The following CHD8 variants were observed in gnomAD, a reference collection of about 807,000 sequenced individuals.
CHD8 encodes ATP-dependent chromatin remodeler CHD8.
Under a neutral mutation model 279.2 loss-of-function variants are expected in CHD8, and 31 were observed. The observed-to-expected ratio is 0.11, with a 90% CI of 0.08 to 0.15. CHD8 has a LOEUF of 0.15. Ranked by LOEUF, CHD8 falls within the 10% of genes least tolerant of loss-of-function variation. The pLI is 1.00. For synonymous variants in CHD8, 1,081 were observed against 1,139.6 expected (o/e 0.95, Z 1.04); for missense variants, 2,146 against 3,230.5 (o/e 0.66, Z 8.14).
chr14:21,428,920 G>C (rs1315406788), intron 3 of CHD8, 44 bp downstream of exon 3: 1 of 1,601,160 alleles, frequency 6.2e-7, no homozygotes, highest in East Asian at 2.2e-5. Context: ...AATGGACTAA[G>C]TATTTTTGTT....
At chr14:21,419,016 A>G (rs994523653) in intron 5 of CHD8, among the ~76,000 whole-genome samples, 1 of 152,232 alleles carries the variant, frequency 6.6e-6, no homozygotes, top group Non-Finnish European at 1.5e-5. Context: ...TGTCAAAACT[A>G]TACAAACAAA....
rs1888566611 is a variant in CHD8, at chr14:21,412,974, T to C, written c.2165A>G (p.Asp722Gly). 1 of 1,609,076 alleles carries C rather than the reference T, an allele frequency of 6.2e-7. No individual in the cohort carries two copies. The highest frequency in any genetic ancestry group is 1.1e-5 in the South Asian group (1 of 90,784). The change falls in exon 10 of 38, where the codon GAC (aspartate) becomes GGC (glycine). Residue 722 changes from aspartate (D) to glycine (G), a missense_variant. Physicochemically the swap from Asp to Gly is moderately conservative, Grantham distance 94. Coordinates refer to ENST00000646647, the MANE Select transcript of CHD8 (RefSeq NM_001170629.2). ...FHEDEEPFNP[D>G]YVEVDRILDE... Reference sequence around the variant, plus strand: ...CAATATCCTATCCACCTCTACGTAGTCTGGATTAAAGGGCTCTTCATCCTA... The same window carrying C: ...CAATATCCTATCCACCTCTACGTAGCCTGGATTAAAGGGCTCTTCATCCTA...
At chr14:21,443,294 G>A (rs955193102) in intron 1 of CHD8, among the ~76,000 whole-genome samples, 3 of 152,068 alleles carry the variant, frequency 2.0e-5, no homozygotes, top group African/African-American at 7.2e-5. Context: ...GGGAGGCTGA[G>A]GCAGGAGAAT....
In CHD8 at chr14:21,385,576, C is replaced by G. The variant is rs776047392; in HGVS notation, c.*37G>C. On this transcript the variant is annotated 3_prime_UTR_variant, in exon 38 of 38. Coordinates refer to ENST00000646647, the MANE Select transcript of CHD8 (RefSeq NM_001170629.2). The stretch of plus-strand genomic sequence containing the variant: ...CCAAGGGCCAGAGTAAATGAAAATA[C>G]AGCAGCCGCCCAAGCAATGGGGCCC... 3 of 1,526,400 alleles carry G rather than the reference C, an allele frequency of 2.0e-6. No homozygotes were observed. The Admixed American group carries it at 6.0e-5, about 31-fold the overall frequency. 94.6% of individuals were successfully genotyped at this position (1,526,400 alleles called of 1,614,324 possible).
In CHD8 at chr14:21,431,065, G is replaced by A. The variant is rs1241392755; in HGVS notation, c.579C>T (p.Gly193=). ...AAGTGACTTTTCCACCATTGGCTGTGCCTGCCACCAGGGGCTGAGCTGTGC... is the reference window on the plus strand; with the variant it reads ...AAGTGACTTTTCCACCATTGGCTGTACCTGCCACCAGGGGCTGAGCTGTGC... ...ITSTAQPLVA[G]TANGGKVTFT... The change falls in exon 2 of 38, where the codon GGC becomes GGT. Residue 193 remains glycine, a synonymous_variant. Transcript: ENST00000646647. 6.3e-7 allele frequency: 1 copy of A among 1,599,320 alleles called. No homozygotes were observed. The highest frequency in any genetic ancestry group is 8.5e-7 in the Non-Finnish European group (1 of 1,179,692).
intron 1 of CHD8, among the ~76,000 whole-genome samples, chr14:21,442,155 T>G (rs1400523905): frequency 6.6e-6 from 1 of 152,216 alleles, no homozygotes; most frequent in African/African-American, 2.4e-5. Flanking sequence ...GAGATCAGCC[T>G]GGGTAACAAA....
At chr14:21,438,540 GA>G (rs1219057909) in intron 1 of CHD8, among the ~76,000 whole-genome samples, 1 of 140,496 alleles carries the variant, frequency 7.1e-6, no homozygotes, top group Non-Finnish European at 1.6e-5. Context: ...AAGAAAGAAA[GA>G]AAAAAGAAAG....
chr14:21,401,143 G>A (rs567031220), intron 21 of CHD8, 72 bp from the exon 22 acceptor site: 1 of 1,140,004 alleles, frequency 8.8e-7, no homozygotes, highest in Admixed American at 2.9e-5. Flanking sequence ...GACAATTAGG[G>A]ATTACAATAA....
At chr14:21,414,191 C>A (rs1379882403) in intron 9 of CHD8, 110 bp downstream of exon 9, 2 of 655,538 alleles carry the variant, frequency 3.1e-6, no homozygotes, top group African/African-American at 1.8e-5. Flanking sequence ...AAGTTTACAC[C>A]CATATATAGA....
chr14:21,437,728 C>G (rs1046776611), intron 1 of CHD8, among the ~76,000 whole-genome samples: 21 of 152,172 alleles, frequency 1.4e-4, no homozygotes, highest in African/African-American at 4.8e-4. Context: ...TGGGAGTCAG[C>G]CCAGCTGGAA....
chr14:21,403,107 A>G lies in CHD8; in HGVS notation c.3624T>C (p.Cys1208=). Residue 1208 remains cysteine (C), a synonymous_variant, in exon 18 of 38, where the codon TGT becomes TGC. Coordinates refer to ENST00000646647, the MANE Select transcript of CHD8 (RefSeq NM_001170629.2). The surrounding 1 kb of genome is among the most constrained non-coding windows in gnomAD (Gnocchi z 4.3). The stretch of plus-strand genomic sequence containing the variant: ...TAATACCAAGTCCACCAGCCCGGGT[A>G]CACAGTAAGAAGACAAAGCGGTCTG... ...PDSDRFVFLL[C]TRAGGLGINL... is the part of the protein sequence containing the mutation. 2 of 1,614,078 alleles carry G rather than the reference A, an allele frequency of 1.2e-6. No homozygotes were observed. The highest frequency in any genetic ancestry group is 1.7e-6 in the Non-Finnish European group (2 of 1,179,908).
chr14:21,386,208 A>G, intron 37 of CHD8, 32 bp from the exon 38 acceptor site: 1 of 1,520,850 alleles, frequency 6.6e-7, no homozygotes, highest in South Asian at 1.2e-5. Context: ...TAATAAAAAG[A>G]AAGAAAGGGG....
In CHD8 at chr14:21,414,966, C is replaced by G; in HGVS notation, c.1996G>C (p.Glu666Gln). The G allele has an allele frequency of 1.9e-6, 3 of 1,600,540 alleles. No homozygotes were observed. Among genetic ancestry groups the G allele is most frequent in the Non-Finnish European group, 2.6e-6 (3 of 1,172,474 alleles). The change falls in exon 8 of 38, where the codon GAA (glutamate) becomes CAA (glutamine). Residue 666 changes from glutamate (E) to glutamine (Q), a missense_variant. Physicochemically the swap from Glu to Gln is conservative, Grantham distance 29. Transcript: ENST00000646647. ...ELPSGQYTEA[E>Q]EFFVKYKNYS... ...TTCTTGTACTTGACAAAGAATTCTTCTGCTTCAGTATATTGTCCAGAAGGG... is the reference window on the plus strand; with the variant it reads ...TTCTTGTACTTGACAAAGAATTCTTGTGCTTCAGTATATTGTCCAGAAGGG...
intron 9 of CHD8, chr14:21,413,994 T>C (rs1888616526): frequency 3.8e-6 from 1 of 261,582 alleles, no homozygotes; most frequent in South Asian, 5.5e-5. Context: ...AAACCATCAA[T>C]AGCTAAAGAA....
Position 21,431,142 on chromosome 14 carries a change from A to G in CHD8, c.502T>C (p.Ser168Pro). 6.3e-7 allele frequency: 1 copy of G among 1,598,942 alleles called. No individual in the cohort carries two copies. The highest frequency in any genetic ancestry group is 8.5e-7 in the Non-Finnish European group (1 of 1,179,562). ...KIVILKAPPSSSVTGAHVAQI... is the reference protein window; with the variant it reads ...KIVILKAPPSPSVTGAHVAQI... ...GCCACATGGGCACCAGTGACTGAGGAGCTTGGTGGGGCCTTAAGGATAACA... is the reference window on the plus strand; with the variant it reads ...GCCACATGGGCACCAGTGACTGAGGGGCTTGGTGGGGCCTTAAGGATAACA... The change falls in exon 2 of 38, where the codon TCC becomes CCC. Residue 168 changes from serine (S) to proline (P), a missense_variant. Coordinates refer to ENST00000646647, the MANE Select transcript of CHD8 (RefSeq NM_001170629.2).
At chr14:21,397,379 A>G (rs1452271164) in intron 27 of CHD8, 1 of 518,542 alleles carries the variant, frequency 1.9e-6, no homozygotes, top group Non-Finnish European at 3.9e-6. Flanking sequence ...GCTCAGTATT[A>G]GCATGGCAAC....
chr14:21,424,323 T>C (rs1316218607), intron 5 of CHD8, among the ~76,000 whole-genome samples: 1 of 152,218 alleles, frequency 6.6e-6, no homozygotes, highest in Non-Finnish European at 1.5e-5. Flanking sequence ...CCACAAGTAT[T>C]TGAGTTGATT....
intron 1 of CHD8, among the ~76,000 whole-genome samples, chr14:21,446,558 G>C (rs1257204090): frequency 6.6e-6 from 1 of 152,164 alleles, no homozygotes; most frequent in Non-Finnish European, 1.5e-5. Flanking sequence ...TGATCGGCCT[G>C]CCTCAGATTC....
At chr14:21,417,472 T>C (rs905519143) in intron 5 of CHD8, among the ~76,000 whole-genome samples, 1 of 152,044 alleles carries the variant, frequency 6.6e-6, no homozygotes, top group African/African-American at 2.4e-5. Flanking sequence ...TCGTAGCACT[T>C]TGGGAGACTG....
Sources: gnomAD v4.1 joint callset for allele counts (sites outside exome capture counted in the v4.1 genomes callset) on GRCh38, gnomAD v4.1.1 for gene constraint, Gnocchi (gnomAD v3.1) non-coding constraint, MANE v1.5 for transcripts, NCBI Gene and HGNC (gene_info 2026-07-23, HGNC 2026-07-21) for gene names.